The following FBXL5 variants were observed in gnomAD, a reference collection of about 807,000 sequenced individuals.
FBXL5 encodes the protein F-box/LRR-repeat protein 5.
Under a neutral mutation model 78.3 loss-of-function variants are expected in FBXL5, and 26 were observed. That is an observed-to-expected ratio of 0.33 (90% CI 0.24 to 0.46). FBXL5 has a LOEUF of 0.46. Among genes scored for constraint, FBXL5 ranks in the 20% least tolerant of loss-of-function variants. The probability of loss-of-function intolerance (pLI) is 1.00; values close to 1 mark genes in which losing one functional copy is unlikely to be tolerated. For synonymous variants in FBXL5, 295 were observed against 282.5 expected (o/e 1.04, Z -0.45); for missense variants, 710 against 829.2 (o/e 0.86, Z 1.77).
intron 1 of FBXL5, among the ~76,000 whole-genome samples, chr4:15,652,424 CT>C (rs1259604912): frequency 6.6e-6 from 1 of 152,104 alleles, no homozygotes; most frequent in African/African-American, 2.4e-5. Flanking sequence ...ACAGAAATAC[CT>C]TGTCTTTACA....
intron 1 of FBXL5, among the ~76,000 whole-genome samples, chr4:15,665,299 C>G (rs1180626614): frequency 1.3e-5 from 2 of 152,154 alleles, no homozygotes; most frequent in Non-Finnish European, 2.9e-5. Context: ...CCCCTACCTC[C>G]CTGGGCATCA....
chr4:15,646,778 G>A (rs934064211), intron 1 of FBXL5, among the ~76,000 whole-genome samples: 1 of 145,752 alleles, frequency 6.9e-6, no homozygotes, highest in Admixed American at 7.4e-5. Flanking sequence ...TTCCCACTAT[G>A]AGTGAGAACA....
At chr4:15,607,084 G>A (rs757160397) in intron 10 of FBXL5, among the ~76,000 whole-genome samples, 36 of 152,062 alleles carry the variant, frequency 2.4e-4, no homozygotes, top group Non-Finnish European at 4.7e-4. Flanking sequence ...TAAACATTAC[G>A]CAAATATGTG....
intron 5 of FBXL5, among the ~76,000 whole-genome samples, chr4:15,632,406 C>T (rs7689559): frequency 4.6e-5 from 7 of 152,220 alleles, no homozygotes; most frequent in Admixed American, 3.9e-4. Flanking sequence ...GGCTCTTTTT[C>T]GGTTCCATGT....
At chr4:15,628,938 A>C (rs1027732274) in intron 6 of FBXL5, among the ~76,000 whole-genome samples, 1 of 151,952 alleles carries the variant, frequency 6.6e-6, no homozygotes, top group Non-Finnish European at 1.5e-5. Context: ...TAAATTTTTA[A>C]TTTTTTATTG....
chr4:15,637,185 G>A (rs764075120), intron 4 of FBXL5, among the ~76,000 whole-genome samples: 2 of 152,138 alleles, frequency 1.3e-5, no homozygotes, highest in African/African-American at 4.8e-5. Flanking sequence ...AGAGGTCTGC[G>A]AAATCTGACT....
chr4:15,681,481 G>C (rs944415897), exon 1 of FBXL5: 3 of 165,568 alleles, frequency 1.8e-5, no homozygotes, highest in Non-Finnish European at 4.4e-5. Flanking sequence ...GACTCTGTCC[G>C]GACTAGCCCT....
At chr4:15,655,388 C>A, upstream of FBXL5, 1 of 1,051,592 alleles carries the variant, frequency 9.5e-7, no homozygotes, top group South Asian at 4.5e-5. Flanking sequence ...CGCATGCGCC[C>A]GCCCCGTCGG....
chr4:15,651,888 A>T (rs568384014), intron 1 of FBXL5, among the ~76,000 whole-genome samples: 3 of 152,210 alleles, frequency 2.0e-5, no homozygotes, highest in Non-Finnish European at 4.4e-5. Flanking sequence ...CTCTTCTCTC[A>T]GAAATCAATT....
At chr4:15,630,117 T>A (rs1577448824) in intron 6 of FBXL5, among the ~76,000 whole-genome samples, 1 of 152,332 alleles carries the variant, frequency 6.6e-6, no homozygotes, top group East Asian at 1.9e-4. Context: ...GGAGTAGCGA[T>A]GAAGTCTTAT....
At chr4:15,635,074 G>A (rs900504173) in intron 5 of FBXL5, among the ~76,000 whole-genome samples, 4 of 152,140 alleles carry the variant, frequency 2.6e-5, no homozygotes, top group South Asian at 2.1e-4. Context: ...GCTCAAGCCC[G>A]TAATCCCAGC....
chr4:15,649,386 T>C (rs1463787001), intron 1 of FBXL5, among the ~76,000 whole-genome samples: 8 of 151,920 alleles, frequency 5.3e-5, no homozygotes, highest in African/African-American at 1.4e-4. Flanking sequence ...TAGGCCAACA[T>C]GGTGAAACCC....
At chr4:15,622,192 T>G (rs1443315737) in intron 9 of FBXL5, among the ~76,000 whole-genome samples, 1 of 152,210 alleles carries the variant, frequency 6.6e-6, no homozygotes, top group Admixed American at 6.5e-5. Flanking sequence ...CTACTCATCC[T>G]GAATAAACAT....
intron 7 of FBXL5, among the ~76,000 whole-genome samples, chr4:15,627,565 C>T (rs997898008): frequency 5.9e-5 from 9 of 152,158 alleles, no homozygotes; most frequent in Non-Finnish European, 1.0e-4. Flanking sequence ...GCCCATCTTA[C>T]CATGCCTTAC....
chr4:15,654,264 T>C (rs1716537547), intron 1 of FBXL5, among the ~76,000 whole-genome samples: 1 of 152,246 alleles, frequency 6.6e-6, no homozygotes, highest in Non-Finnish European at 1.5e-5. Context: ...AGTTGGATCA[T>C]TTCCACAAGA....
At chr4:15,650,104 G>A (rs1341486714) in intron 1 of FBXL5, among the ~76,000 whole-genome samples, 2 of 152,116 alleles carry the variant, frequency 1.3e-5, no homozygotes, top group Non-Finnish European at 2.9e-5. Context: ...AGATCTGGAG[G>A]CAGTTTTGGT....
At chr4:15,659,816 G>A (rs1717219998), upstream of FBXL5, 1 of 805,580 alleles carries the variant, frequency 1.2e-6, no homozygotes, top group South Asian at 5.6e-5. Flanking sequence ...CTGACTTGTA[G>A]GGAGAAAGAA....
intron 1 of FBXL5, among the ~76,000 whole-genome samples, chr4:15,667,437 G>A (rs1365265622): frequency 2.0e-5 from 3 of 152,024 alleles, no homozygotes; most frequent in Non-Finnish European, 1.5e-5. Context: ...ATCCAAATGA[G>A]ACTAAGCAAA....
chr4:15,650,212 AATC>A (rs899085839), intron 1 of FBXL5, among the ~76,000 whole-genome samples: 1 of 152,202 alleles, frequency 6.6e-6, no homozygotes, highest in African/African-American at 2.4e-5. Context: ...ATAAAAAAGA[AATC>A]ATCTGCCTCA....
Sources: allele counts gnomAD v4.1 joint callset (sites outside exome capture counted in the v4.1 genomes callset), GRCh38; gene constraint gnomAD v4.1.1; transcripts MANE v1.5; gene names NCBI Gene and HGNC (gene_info 2026-07-23, HGNC 2026-07-21).